CTIF: variants seen among roughly 807,000 people sequenced by gnomAD.
CTIF encodes cap binding complex dependent translation initiation factor.
Under a neutral mutation model 66.0 loss-of-function variants are expected in CTIF, and 21 were observed. That is an observed-to-expected ratio of 0.32 (90% CI 0.23 to 0.46). The LOEUF (loss-of-function observed/expected upper bound fraction) is 0.46. Among genes scored for constraint, CTIF ranks in the 20% least tolerant of loss-of-function variants. The pLI is 1.00. For synonymous variants in CTIF, 345 were observed against 326.4 expected, an observed-to-expected ratio of 1.06 and a Z score of -0.62; for missense variants, 739 against 812.7, an observed-to-expected ratio of 0.91 and a Z score of 1.10.
chr18:48,649,134 G>A (rs1003480589), intron 3 of CTIF, among the ~76,000 whole-genome samples: 4 of 152,214 alleles, frequency 2.6e-5, no homozygotes, highest in African/African-American at 9.6e-5. Context: ...CAGAAGGCAA[G>A]CTGAAGCTGG....
chr18:48,706,494 G>A (rs527709132), intron 6 of CTIF, among the ~76,000 whole-genome samples: 1 of 152,140 alleles, frequency 6.6e-6, no homozygotes, highest in South Asian at 2.1e-4. Context: ...CTCACCCCCA[G>A]ATTCAAGAAT....
intron 3 of CTIF, among the ~76,000 whole-genome samples, chr18:48,648,123 C>T (rs1226902654): frequency 6.6e-6 from 1 of 151,972 alleles, no homozygotes; most frequent in South Asian, 2.1e-4. Flanking sequence ...TAGCATGGTC[C>T]ATTTAAAACC....
At chr18:48,657,655 A>G (rs1378809448) in intron 3 of CTIF, among the ~76,000 whole-genome samples, 2 of 152,126 alleles carry the variant, frequency 1.3e-5, no homozygotes, top group South Asian at 2.1e-4. Flanking sequence ...TGAGGTTCAC[A>G]GGGTGTGGGC....
At chr18:48,693,740 G>A (rs1470648786) in intron 6 of CTIF, among the ~76,000 whole-genome samples, 4 of 152,164 alleles carry the variant, frequency 2.6e-5, no homozygotes, top group East Asian at 1.9e-4. Context: ...TGATCCACGC[G>A]CCAAGTCCAG....
At chr18:48,582,192 A>T (rs2089672316) in intron 1 of CTIF, among the ~76,000 whole-genome samples, 1 of 152,082 alleles carries the variant, frequency 6.6e-6, no homozygotes, top group Admixed American at 6.5e-5. Context: ...TGGCCGAGAC[A>T]GCTGCCAGTG....
intron 7 of CTIF, among the ~76,000 whole-genome samples, chr18:48,718,442 T>C (rs986864852): frequency 1.3e-5 from 2 of 152,130 alleles, no homozygotes; most frequent in African/African-American, 2.4e-5. Flanking sequence ...GGAAAGCCAG[T>C]GGTGTAATCA....
chr18:48,761,285 C>G lies in CTIF; in HGVS notation c.1072-105C>G. The G allele has an allele frequency of 9.3e-7, 1 of 1,072,128 alleles. No homozygotes were observed. Among genetic ancestry groups the G allele is most frequent in the East Asian group, 2.4e-5 (1 of 40,882 alleles). 66.4% of individuals were successfully genotyped at this position (1,072,128 alleles called of 1,614,324 possible). A position where few individuals can be genotyped will look rare whatever the true frequency, so the allele number is the denominator to read the frequency against. ...CAGCCCTCAGATCCAGGGAAGTAGG[C>G]CTGGTCCTGCTTTCTGGGGGTGGCC... is the stretch of plus-strand genomic sequence containing the variant. On this transcript the variant is annotated intron_variant, in intron 8 of 11. Transcript: ENST00000256413. This position sits in a 1 kb window ranked among gnomAD's most constrained non-coding sequence, Gnocchi z 4.2.
intron 7 of CTIF, among the ~76,000 whole-genome samples, chr18:48,751,209 G>A (rs1005656458): frequency 3.9e-5 from 6 of 152,296 alleles, no homozygotes; most frequent in Non-Finnish European, 7.3e-5. Context: ...CAGGGCCTGC[G>A]TTTGGTTTAT....
intron 9 of CTIF, among the ~76,000 whole-genome samples, chr18:48,770,844 C>T (rs1238908725): frequency 3.3e-5 from 5 of 152,204 alleles, no homozygotes; most frequent in Admixed American, 2.6e-4. Flanking sequence ...AATGCATGCA[C>T]GGACCCCAGC....
intron 1 of CTIF, among the ~76,000 whole-genome samples, chr18:48,550,775 A>G (rs1335195185): frequency 6.6e-6 from 1 of 152,200 alleles, no homozygotes; most frequent in African/African-American, 2.4e-5. Flanking sequence ...GGCATTTCCT[A>G]TAGGGCTAGG....
At chr18:48,800,030 C>G (rs1190235543) in intron 9 of CTIF, among the ~76,000 whole-genome samples, 3 of 152,212 alleles carry the variant, frequency 2.0e-5, no homozygotes, top group Admixed American at 2.0e-4. Context: ...GAGGAGAAAA[C>G]AAGTAGACCG....
At position 48,791,427 on chromosome 18, in the gene CTIF, C is replaced by T. The variant is rs139674162; in HGVS notation, c.1372-25794C>T. 3.5e-4 allele frequency among the ~76,000 whole-genome samples: 54 copies of T among 152,302 alleles called. 1 individual carries two copies. In the East Asian group the frequency reaches 9.2e-3, roughly 26 times the overall value. ...GGCTCTGGATAGACAGGCAGGGACACAGGCAGGGCTACCAGAAACTCAGAG... is the reference window on the plus strand; with the variant it reads ...GGCTCTGGATAGACAGGCAGGGACATAGGCAGGGCTACCAGAAACTCAGAG... On this transcript the variant is annotated intron_variant, in intron 9 of 11. Transcript: ENST00000256413.
chr18:48,855,302 T>C (rs1030175858), intron 10 of CTIF, among the ~76,000 whole-genome samples: 15 of 152,248 alleles, frequency 9.9e-5, no homozygotes, highest in South Asian at 2.1e-4. Flanking sequence ...GTTGTTGTTA[T>C]GGTTTATACA....
At chr18:48,650,698 G>A (rs1302459357) in intron 3 of CTIF, among the ~76,000 whole-genome samples, 2 of 152,044 alleles carry the variant, frequency 1.3e-5, no homozygotes, top group Non-Finnish European at 2.9e-5. Context: ...TGAAACGAAG[G>A]AAAAAATGTT....
chr18:48,810,701 GT>G (rs941862960), intron 9 of CTIF, among the ~76,000 whole-genome samples: 2 of 148,484 alleles, frequency 1.3e-5, no homozygotes, highest in Admixed American at 6.7e-5. Flanking sequence ...TTCCTTTCTG[GT>G]TTTTTTCCTA....
At chr18:48,760,077 T>C (rs1908812624) in intron 8 of CTIF, 1 of 152,274 alleles carries the variant, frequency 6.6e-6, no homozygotes. Context: ...GGGATTTGTG[T>C]CCTGTTAACT....
intron 3 of CTIF, among the ~76,000 whole-genome samples, chr18:48,658,220 A>G (rs1003195742): frequency 2.7e-5 from 4 of 150,420 alleles, no homozygotes; most frequent in Admixed American, 1.3e-4. Flanking sequence ...GGGTGTGGAT[A>G]TGTGTGTGTG....
intron 1 of CTIF, among the ~76,000 whole-genome samples, chr18:48,609,466 G>A (rs1031102943): frequency 3.9e-5 from 6 of 152,148 alleles, no homozygotes; most frequent in African/African-American, 1.2e-4. Flanking sequence ...TATGCCTAGC[G>A]GTGTTGAGCA....
Position 48,772,205 on chromosome 18 carries a change from A to G in CTIF, c.1371+10516A>G, listed in dbSNP as rs1161538590. Among the ~76,000 whole-genome samples, 3 of 152,238 alleles carry G rather than the reference A, an allele frequency of 2.0e-5. No individual in the cohort carries two copies. The East Asian group carries it at 5.8e-4, about 29-fold the overall frequency. On this transcript the variant is annotated intron_variant, in intron 9 of 11. Coordinates refer to ENST00000256413, the MANE Select transcript of CTIF (RefSeq NM_014772.3). ...GCTCAGAGGCCTGCCCCAGTATTAT[A>G]GCAAGAAGAGAGCTAAACCTAGCGG...
Sources: allele counts gnomAD v4.1 joint callset (sites outside exome capture counted in the v4.1 genomes callset), GRCh38; gene constraint gnomAD v4.1.1; non-coding constraint Gnocchi (gnomAD v3.1); transcripts MANE v1.5; gene names NCBI Gene and HGNC (gene_info 2026-07-23, HGNC 2026-07-21).